LARGE1: variants seen among roughly 807,000 people sequenced by gnomAD.
LARGE1 encodes LARGE xylosyl- and glucuronyltransferase 1.
LARGE1 carries 43 observed loss-of-function variants against 87.6 expected under a neutral mutation model. That is an observed-to-expected ratio of 0.49 (90% CI 0.38 to 0.63). The LOEUF (loss-of-function observed/expected upper bound fraction) is 0.63. Ranked by LOEUF, LARGE1 falls within the 30% of genes least tolerant of loss-of-function variation. The pLI, the probability that LARGE1 is intolerant of heterozygous loss-of-function variation, is 0.00. For missense variants in LARGE1, 802 were observed against 1,000.2 expected (o/e 0.80, Z 2.67); for synonymous variants, 434 against 394.6 (o/e 1.10, Z -1.18).
Position 33,277,074 on chromosome 22 carries a change from C to T in LARGE1, c.2059G>A (p.Glu687Lys), listed in dbSNP as rs370476540. 1 of 1,614,096 alleles carries T rather than the reference C, an allele frequency of 6.2e-7. No homozygotes were observed. The highest frequency in any genetic ancestry group is 1.3e-5 in the African/African-American group (1 of 74,948). The change falls in exon 14 of 15, where the codon GAG becomes AAG. Residue 687 changes from glutamate to lysine, a missense_variant. Transcript: ENST00000397394. ...FGWNKVAHIM[E>K]LDVQEYEFIV... ...GTTCTTCTCACCTGCACATCCAGCTCCATGATATGAGCCACTTTGTTCCAG... is the reference window on the plus strand; with the variant it reads ...GTTCTTCTCACCTGCACATCCAGCTTCATGATATGAGCCACTTTGTTCCAG...
intron 11 of LARGE1, among the ~76,000 whole-genome samples, chr22:33,250,614 A>C (rs1926969882): frequency 6.6e-6 from 1 of 152,214 alleles, no homozygotes. Context: ...TAAATTTCTC[A>C]CCACTACGTG....
chr22:33,165,383 G>A (rs1922213337), exon 12 of LARGE1: 2 of 152,186 alleles, frequency 1.3e-5, no homozygotes, highest in African/African-American at 4.8e-5. Flanking sequence ...ATTTGCTGCA[G>A]TTTGGTGTCA....
At chr22:33,757,153 C>T (rs896923697) in intron 2 of LARGE1, among the ~76,000 whole-genome samples, 2 of 152,180 alleles carry the variant, frequency 1.3e-5, no homozygotes, top group Non-Finnish European at 2.9e-5. Context: ...TCATCTCTTT[C>T]CCAGATGGTG....
intron 3 of LARGE1, among the ~76,000 whole-genome samples, chr22:33,632,640 C>T (rs1458046933): frequency 3.3e-5 from 5 of 151,994 alleles, no homozygotes; most frequent in Admixed American, 1.3e-4. Context: ...CCTCTTGGCC[C>T]CTCCTGGAAT....
At chr22:33,452,764 G>A (rs1213762062) in intron 6 of LARGE1, among the ~76,000 whole-genome samples, 3 of 152,176 alleles carry the variant, frequency 2.0e-5, no homozygotes, top group Non-Finnish European at 4.4e-5. Flanking sequence ...CAGAGGTCTA[G>A]ATGTTTAAAT....
At chr22:33,750,996 G>A (rs2145634543) in intron 2 of LARGE1, among the ~76,000 whole-genome samples, 1 of 152,264 alleles carries the variant, frequency 6.6e-6, no homozygotes, top group Non-Finnish European at 1.5e-5. Flanking sequence ...TATCCCAAAG[G>A]TTAAGAAAAT....
intron 2 of LARGE1, among the ~76,000 whole-genome samples, chr22:33,727,189 A>G (rs2083297521): frequency 6.6e-6 from 1 of 152,174 alleles, no homozygotes; most frequent in Non-Finnish European, 1.5e-5. Flanking sequence ...TCTTATGACA[A>G]TATTGTTATA....
intron 7 of LARGE1, among the ~76,000 whole-genome samples, chr22:33,419,518 C>T (rs113346795): frequency 2.2e-4 from 33 of 152,176 alleles, no homozygotes; most frequent in Middle Eastern, 6.8e-3. Flanking sequence ...GCATGGCTGC[C>T]GCCTTTCCAT....
At chr22:33,367,345 C>A (rs932268513) in intron 9 of LARGE1, among the ~76,000 whole-genome samples, 1 of 152,106 alleles carries the variant, frequency 6.6e-6, no homozygotes, top group Non-Finnish European at 1.5e-5. Context: ...TGGTCCCTTT[C>A]AAACTTTTGA....
At chr22:33,471,478 C>T (rs9621705) in intron 6 of LARGE1, among the ~76,000 whole-genome samples, 5,318 of 152,232 alleles carry the variant, frequency 0.035, 290 homozygotes, top group African/African-American at 0.11. Flanking sequence ...CTCAATTTTC[C>T]GATGTGGCTC....
chr22:33,318,710 C>T (rs1175669902), intron 10 of LARGE1, among the ~76,000 whole-genome samples: 1 of 151,796 alleles, frequency 6.6e-6, no homozygotes, highest in South Asian at 2.1e-4. Flanking sequence ...AACTAACCGG[C>T]ACATTGTGCA....
At chr22:33,351,608 TC>T (rs1267016228) in intron 9 of LARGE1, among the ~76,000 whole-genome samples, 3 of 151,942 alleles carry the variant, frequency 2.0e-5, no homozygotes, top group Non-Finnish European at 2.9e-5. Flanking sequence ...AAGTGACCAA[TC>T]TTTAATTACA....
chr22:33,378,704 T>C (rs921808317), intron 9 of LARGE1, among the ~76,000 whole-genome samples: 3 of 152,224 alleles, frequency 2.0e-5, no homozygotes, highest in African/African-American at 7.2e-5. Context: ...GCTGGGTCCC[T>C]ATAATTTAAT....
intron 11 of LARGE1, among the ~76,000 whole-genome samples, chr22:33,255,781 A>G (rs1485532937): frequency 6.6e-6 from 1 of 152,234 alleles, no homozygotes; most frequent in Non-Finnish European, 1.5e-5. Context: ...TTCTGAAACT[A>G]TCTTCTTTTA....
intron 11 of LARGE1, among the ~76,000 whole-genome samples, chr22:33,184,373 T>A (rs867123404): frequency 6.0e-5 from 9 of 151,012 alleles, no homozygotes; most frequent in Non-Finnish European, 1.0e-4. Context: ...CACAAGAGAA[T>A]AAAAAATATT....
chr22:33,662,482 T>G (rs2081156465), intron 2 of LARGE1, among the ~76,000 whole-genome samples: 1 of 152,102 alleles, frequency 6.6e-6, no homozygotes, highest in South Asian at 2.1e-4. Context: ...CCCCACCCCT[T>G]GCCTAGCCTT....
At chr22:33,698,634 C>G (rs1035864895) in intron 2 of LARGE1, among the ~76,000 whole-genome samples, 1 of 152,138 alleles carries the variant, frequency 6.6e-6, no homozygotes. Flanking sequence ...ACTCAAAGAT[C>G]TGGATGGACA....
intron 11 of LARGE1, among the ~76,000 whole-genome samples, chr22:33,251,415 G>A (rs2145718055): frequency 6.6e-6 from 1 of 152,212 alleles, no homozygotes; most frequent in Middle Eastern, 3.4e-3. Flanking sequence ...GTGACTTTCT[G>A]CTCTGTTTTT....
chr22:33,345,248 G>A (rs896724327), intron 9 of LARGE1, among the ~76,000 whole-genome samples: 3 of 152,110 alleles, frequency 2.0e-5, no homozygotes, highest in Admixed American at 1.3e-4. Flanking sequence ...AGTTTAGCAC[G>A]TTGCCTGAAG....
Sources: allele counts gnomAD v4.1 joint callset (sites outside exome capture counted in the v4.1 genomes callset), GRCh38; gene constraint gnomAD v4.1.1; transcripts MANE v1.5; gene names NCBI Gene and HGNC (gene_info 2026-07-23, HGNC 2026-07-21).